ADAMTSL1: variants seen among roughly 807,000 people sequenced by gnomAD.
The protein encoded by ADAMTSL1 is ADAMTS like 1.
ADAMTSL1 carries 126 observed loss-of-function variants against 201.8 expected under a neutral mutation model. The ratio of observed to expected loss-of-function variants is 0.62; its 90% CI spans 0.54 to 0.72. The LOEUF (loss-of-function observed/expected upper bound fraction) is 0.72, where lower values mean the gene tolerates loss of function less well. ADAMTSL1 is among the 30% of genes least tolerant of loss of function. The pLI is 0.00. For missense variants in ADAMTSL1, 2,679 were observed against 2,277.8 expected (o/e 1.18, Z -3.59); for synonymous variants, 1,121 against 903.4 (o/e 1.24, Z -4.32).
intron 2 of ADAMTSL1, among the ~76,000 whole-genome samples, chr9:18,300,450 G>A (rs910593868): frequency 5.3e-5 from 8 of 151,388 alleles, no homozygotes; most frequent in African/African-American, 1.9e-4. Flanking sequence ...ATCACACACT[G>A]GGGCCTGTCA....
chr9:18,289,330 G>T (rs548028063), intron 2 of ADAMTSL1, among the ~76,000 whole-genome samples: 1 of 152,064 alleles, frequency 6.6e-6, no homozygotes, highest in Non-Finnish European at 1.5e-5. Context: ...GAGTTTGGAG[G>T]GCTAAGAAGT....
intron 4 of ADAMTSL1, among the ~76,000 whole-genome samples, chr9:18,607,249 T>G (rs1825080503): frequency 6.6e-6 from 1 of 152,176 alleles, no homozygotes; most frequent in African/African-American, 2.4e-5. Context: ...AGAATATAGT[T>G]CAACTTTCGA....
chr9:18,349,305 G>A (rs891211655), intron 2 of ADAMTSL1, among the ~76,000 whole-genome samples: 1 of 152,188 alleles, frequency 6.6e-6, no homozygotes, highest in African/African-American at 2.4e-5. Flanking sequence ...ATAGCCACAT[G>A]TTGGTCATCA....
At chr9:18,885,873 C>G (rs968755050) in intron 23 of ADAMTSL1, among the ~76,000 whole-genome samples, 3 of 152,034 alleles carry the variant, frequency 2.0e-5, no homozygotes, top group Non-Finnish European at 4.4e-5. Flanking sequence ...GCCGCACAAT[C>G]TCAGGAAGGT....
chr9:18,808,602 G>A (rs2131132872), intron 20 of ADAMTSL1, among the ~76,000 whole-genome samples: 1 of 152,284 alleles, frequency 6.6e-6, no homozygotes, highest in African/African-American at 2.4e-5. Flanking sequence ...ATTCCTGTAG[G>A]AAAAATAACT....
chr9:18,361,404 A>G (rs1010522132), intron 2 of ADAMTSL1, among the ~76,000 whole-genome samples: 1 of 152,184 alleles, frequency 6.6e-6, no homozygotes, highest in Non-Finnish European at 1.5e-5. Context: ...TTTGTCATTG[A>G]ACATTAAATC....
intron 1 of ADAMTSL1, among the ~76,000 whole-genome samples, chr9:18,494,692 C>T (rs866087802): frequency 1.3e-5 from 2 of 152,204 alleles, no homozygotes; most frequent in Non-Finnish European, 2.9e-5. Context: ...ATAACTTAGA[C>T]TTTACCCTAT....
At chr9:18,473,435 A>C (rs964676190), upstream of ADAMTSL1, among the ~76,000 whole-genome samples, 4 of 152,176 alleles carry the variant, frequency 2.6e-5, no homozygotes, top group Non-Finnish European at 5.9e-5. Flanking sequence ...GCAAATCTTA[A>C]ATGCCTTCAA....
At chr9:18,902,293 C>G (rs149559457) in intron 26 of ADAMTSL1, among the ~76,000 whole-genome samples, 21 of 152,326 alleles carry the variant, frequency 1.4e-4, no homozygotes, top group African/African-American at 4.6e-4. Flanking sequence ...CACCCAATAA[C>G]AGCAGAATAC....
intron 3 of ADAMTSL1, among the ~76,000 whole-genome samples, chr9:18,556,574 C>T (rs1821121221): frequency 6.6e-6 from 1 of 151,914 alleles, no homozygotes; most frequent in Non-Finnish European, 1.5e-5. Context: ...AGAAGCTATG[C>T]TATAAGCCTC....
intron 26 of ADAMTSL1, among the ~76,000 whole-genome samples, chr9:18,905,182 T>A (rs778829763): frequency 6.6e-6 from 1 of 152,198 alleles, no homozygotes; most frequent in Non-Finnish European, 1.5e-5. Context: ...AGACAGTTGT[T>A]GCTAGGTGTA....
In ADAMTSL1 at chr9:18,414,478, G is replaced by A. The variant is rs1488152754; in HGVS notation, c.208-90351G>A. Among the ~76,000 whole-genome samples the A allele has an allele frequency of 3.9e-5, 6 of 152,050 alleles. No individual in the cohort carries two copies. In the East Asian group the frequency reaches 9.6e-4, roughly 24 times the overall value. ...AACAGAGACCAATTTACACTCATGC[G>A]TGAAACAACCAAAAAAACAAACAAA... On this transcript the variant is annotated intron_variant, in intron 2 of 29. Transcript: ENST00000680146.
At chr9:18,557,340 T>A (rs1821166341) in intron 3 of ADAMTSL1, among the ~76,000 whole-genome samples, 1 of 152,154 alleles carries the variant, frequency 6.6e-6, no homozygotes, top group East Asian at 1.9e-4. Flanking sequence ...ACCCATAGAC[T>A]TGGAGCTTTC....
chr9:18,442,174 C>G (rs1262689249), intron 2 of ADAMTSL1, among the ~76,000 whole-genome samples: 1 of 152,050 alleles, frequency 6.6e-6, no homozygotes, highest in African/African-American at 2.4e-5. Flanking sequence ...CTAAAAGAGC[C>G]ATTGTATCAA....
At chr9:18,104,582 T>A (rs1824675325) in intron 1 of ADAMTSL1, among the ~76,000 whole-genome samples, 1 of 151,914 alleles carries the variant, frequency 6.6e-6, no homozygotes, top group Non-Finnish European at 1.5e-5. Context: ...CACTGCAGAC[T>A]CCAAAAGGCA....
At chr9:18,317,208 A>G (rs148649792) in intron 2 of ADAMTSL1, among the ~76,000 whole-genome samples, 1 of 152,266 alleles carries the variant, frequency 6.6e-6, no homozygotes, top group East Asian at 1.9e-4. Context: ...AGCAGAGAGT[A>G]AAACAGTGAT....
At chr9:18,491,008 C>T (rs1280481589) in intron 1 of ADAMTSL1, among the ~76,000 whole-genome samples, 1 of 152,078 alleles carries the variant, frequency 6.6e-6, no homozygotes, top group African/African-American at 2.4e-5. Flanking sequence ...AAGCACAAAG[C>T]AGGAGCTATG....
chr9:18,376,304 T>C (rs1330103548), intron 2 of ADAMTSL1, among the ~76,000 whole-genome samples: 1 of 152,122 alleles, frequency 6.6e-6, no homozygotes, highest in East Asian at 1.9e-4. Flanking sequence ...TGTACACAGA[T>C]ATGTATAATG....
intron 4 of ADAMTSL1, among the ~76,000 whole-genome samples, chr9:18,576,972 C>T (rs1022634095): frequency 6.6e-6 from 1 of 152,060 alleles, no homozygotes; most frequent in African/African-American, 2.4e-5. Flanking sequence ...TTCTTTCCAG[C>T]GAGGCCAGGT....
Sources: gnomAD v4.1 joint callset for allele counts (sites outside exome capture counted in the v4.1 genomes callset) on GRCh38, gnomAD v4.1.1 for gene constraint, MANE v1.5 for transcripts, NCBI Gene and HGNC (gene_info 2026-07-23, HGNC 2026-07-21) for gene names.